The following CRACD variants were observed in gnomAD, a reference collection of about 807,000 sequenced individuals.
CRACD encodes capping protein-inhibiting regulator of actin dynamics.
In CRACD, 56 loss-of-function variants were observed where a neutral mutation model predicts 106.8. The ratio of observed to expected loss-of-function variants is 0.52; its 90% confidence interval spans 0.42 to 0.66. CRACD has a LOEUF of 0.66. Among genes scored for constraint, CRACD ranks in the 30% least tolerant of loss-of-function variants. CRACD has a pLI of 0.00. For missense variants in CRACD, 1,730 were observed against 1,623.2 expected, an observed-to-expected ratio of 1.07 and a Z score of -1.13; for synonymous variants, 754 against 670.8, an observed-to-expected ratio of 1.12 and a Z score of -1.92.
chr4:56,214,996 T>C (rs1738608133), intron 2 of CRACD, among the ~76,000 whole-genome samples: 1 of 151,662 alleles, frequency 6.6e-6, no homozygotes, highest in Non-Finnish European at 1.5e-5. Context: ...CAAGACTCCA[T>C]CTCAAAGAGA....
intron 1 of CRACD, among the ~76,000 whole-genome samples, chr4:56,107,455 A>G (rs913921405): frequency 6.6e-6 from 1 of 152,152 alleles, no homozygotes; most frequent in African/African-American, 2.4e-5. Flanking sequence ...TTTAGCTACT[A>G]TTAATCCTTT....
intron 3 of CRACD, among the ~76,000 whole-genome samples, chr4:56,295,615 T>C (rs552687305): frequency 1.4e-5 from 2 of 147,828 alleles, no homozygotes; most frequent in South Asian, 2.1e-4. Flanking sequence ...GAACTTAGCC[T>C]AGCACTGGTG....
chr4:56,106,339 A>G (rs1323774696), intron 1 of CRACD, among the ~76,000 whole-genome samples: 4 of 152,250 alleles, frequency 2.6e-5, no homozygotes, highest in African/African-American at 9.6e-5. Flanking sequence ...AGAGCACAGT[A>G]AGAGGAGACA....
At chr4:56,064,616 C>G (rs1267100925) in intron 1 of CRACD, among the ~76,000 whole-genome samples, 2 of 152,094 alleles carry the variant, frequency 1.3e-5, no homozygotes, top group Non-Finnish European at 2.9e-5. Flanking sequence ...AGATTATCTC[C>G]TTTCTCTTCA....
intron 1 of CRACD, among the ~76,000 whole-genome samples, chr4:56,176,051 G>A (rs943207125): frequency 6.6e-6 from 1 of 152,134 alleles, no homozygotes; most frequent in Non-Finnish European, 1.5e-5. Context: ...TCCCCAGTGT[G>A]TGTTCTTGGT....
intron 1 of CRACD, among the ~76,000 whole-genome samples, chr4:56,127,487 A>AT (rs1489118222): frequency 6.6e-6 from 1 of 152,044 alleles, no homozygotes; most frequent in Non-Finnish European, 1.5e-5. Context: ...AAAAGGATAA[A>AT]TTTTTTTGTT....
intron 1 of CRACD, among the ~76,000 whole-genome samples, chr4:56,147,241 G>A (rs946007108): frequency 2.0e-5 from 3 of 152,172 alleles, no homozygotes; most frequent in Non-Finnish European, 2.9e-5. Flanking sequence ...GGCCTGGTGG[G>A]AAAAAGAGAA....
At chr4:56,059,075 A>G (rs1052351466) in intron 1 of CRACD, among the ~76,000 whole-genome samples, 1 of 152,158 alleles carries the variant, frequency 6.6e-6, no homozygotes, top group Admixed American at 6.6e-5. Context: ...ATAAAGCAAG[A>G]CAGCAATCTC....
intron 2 of CRACD, among the ~76,000 whole-genome samples, chr4:56,248,681 C>G (rs1039262297): frequency 6.7e-6 from 1 of 148,682 alleles, no homozygotes; most frequent in African/African-American, 2.5e-5. Context: ...CCCACTAACT[C>G]GTCATCTAGC....
intron 3 of CRACD, 110 bp from the exon 4 acceptor site, chr4:56,298,104 G>C (rs1166780963): frequency 1.6e-6 from 2 of 1,243,956 alleles, no homozygotes; most frequent in Non-Finnish European, 2.3e-6. Flanking sequence ...AGTGCTTGCC[G>C]AATGAGACTG....
intron 1 of CRACD, among the ~76,000 whole-genome samples, chr4:56,128,425 A>G (rs1006946266): frequency 6.6e-6 from 1 of 152,060 alleles, no homozygotes; most frequent in African/African-American, 2.4e-5. Context: ...GAATTCTGAA[A>G]TTTTTTTGGC....
At chr4:56,263,907 C>G (rs1016252980) in intron 2 of CRACD, among the ~76,000 whole-genome samples, 2 of 152,090 alleles carry the variant, frequency 1.3e-5, no homozygotes, top group Admixed American at 6.5e-5. Flanking sequence ...CGATCTCTCT[C>G]TCTGTATTAG....
At chr4:56,296,477 A>G (rs1286576902) in intron 3 of CRACD, among the ~76,000 whole-genome samples, 2 of 152,166 alleles carry the variant, frequency 1.3e-5, no homozygotes, top group South Asian at 2.1e-4. Flanking sequence ...TTAGCAAACT[A>G]GATGATAAAA....
intron 1 of CRACD, among the ~76,000 whole-genome samples, chr4:56,082,613 CAG>C: frequency 6.6e-6 from 1 of 152,110 alleles, no homozygotes; most frequent in Admixed American, 6.5e-5. Flanking sequence ...CGTAAGGAAA[CAG>C]AACTCAAAGA....
intron 1 of CRACD, among the ~76,000 whole-genome samples, chr4:56,145,251 C>G (rs1348257650): frequency 2.0e-5 from 3 of 152,292 alleles, no homozygotes; most frequent in Middle Eastern, 6.8e-3. Context: ...GATGTACTCA[C>G]GTCAGCATTT....
intron 1 of CRACD, among the ~76,000 whole-genome samples, chr4:56,150,549 A>G (rs930237493): frequency 6.6e-6 from 1 of 152,190 alleles, no homozygotes; most frequent in Admixed American, 6.5e-5. Context: ...CTTCCCAATC[A>G]TAATTTCTTC....
intron 3 of CRACD, among the ~76,000 whole-genome samples, chr4:56,288,294 G>T (rs73240536): frequency 0.016 from 2,462 of 151,808 alleles, 28 homozygotes; most frequent in South Asian, 0.036. Context: ...TGTTACAAGG[G>T]TATATTACGT....
chr4:56,212,384 A>G (rs1051119243), intron 2 of CRACD, among the ~76,000 whole-genome samples: 7 of 152,216 alleles, frequency 4.6e-5, no homozygotes, highest in Non-Finnish European at 1.0e-4. Context: ...CCGTAAAAAT[A>G]GCCAACCAGC....
chr4:56,303,348 GAAAAA>G (rs767375663), intron 4 of CRACD, among the ~76,000 whole-genome samples: 1 of 134,188 alleles, frequency 7.5e-6, no homozygotes. Flanking sequence ...TCCTTTGTAG[GAAAAA>G]AAAAAAAAAA....
Sources: gnomAD v4.1 joint callset for allele counts (sites outside exome capture counted in the v4.1 genomes callset) on GRCh38, gnomAD v4.1.1 for gene constraint, MANE v1.5 for transcripts, NCBI Gene and HGNC (gene_info 2026-07-23, HGNC 2026-07-21) for gene names.